XKR6: variants seen among roughly 807,000 people sequenced by gnomAD.
XKR6 encodes XK related 6.
Under a neutral mutation model 56.7 loss-of-function variants are expected in XKR6, and 22 were observed. The observed-to-expected ratio is 0.39, with a 90% confidence interval of 0.28 to 0.55. The LOEUF is 0.55. Ranked by LOEUF, XKR6 falls within the 20% of genes least tolerant of loss-of-function variation. The pLI, the probability that XKR6 is intolerant of heterozygous loss-of-function variation, is 0.66. For synonymous variants in XKR6, 524 were observed against 387.8 expected (o/e 1.35, Z -4.13); for missense variants, 852 against 889.0 (o/e 0.96, Z 0.53).
chr8:11,096,729 G>A (rs75369873), intron 1 of XKR6, among the ~76,000 whole-genome samples: 1 of 152,240 alleles, frequency 6.6e-6, no homozygotes, highest in Non-Finnish European at 1.5e-5. Context: ...CCTGCCAACA[G>A]CTGGGTCCTT....
chr8:11,085,828 G>C (rs531772487), intron 1 of XKR6, among the ~76,000 whole-genome samples: 2 of 152,120 alleles, frequency 1.3e-5, no homozygotes, highest in Admixed American at 1.3e-4. Context: ...CACTGCCGCC[G>C]GAGCAAGGGC....
At chr8:11,093,544 G>C (rs1048684117) in intron 1 of XKR6, among the ~76,000 whole-genome samples, 1 of 152,282 alleles carries the variant, frequency 6.6e-6, no homozygotes, top group East Asian at 1.9e-4. Flanking sequence ...TAGTCTCTTA[G>C]TTATAATAGC....
At chr8:10,919,379 T>C (rs1381148370) in intron 2 of XKR6, among the ~76,000 whole-genome samples, 1 of 152,184 alleles carries the variant, frequency 6.6e-6, no homozygotes, top group Non-Finnish European at 1.5e-5. Flanking sequence ...ACTCTAACCA[T>C]CACGCGTTGT....
At position 11,167,920 on chromosome 8, in the gene XKR6, C is replaced by CA. The variant is rs1175890175; in HGVS notation, c.764+32655dup. Reference sequence around the variant, plus strand: ...AAAAAAAAAAAAAAAAAACCACACACAAAAAAAACAGTACCAGAAGATTAA... The same window carrying CA: ...AAAAAAAAAAAAAAAAAACCACACACAAAAAAAAACAGTACCAGAAGATTAA... On this transcript the variant is annotated intron_variant, in intron 1 of 2. Coordinates refer to ENST00000416569, the MANE Select transcript of XKR6 (RefSeq NM_173683.4). Among the ~76,000 whole-genome samples the CA allele has an allele frequency of 8.4e-5, 9 of 106,894 alleles. No individual in the cohort carries two copies. The East Asian group carries it at 1.3e-3, about 16-fold the overall frequency. The allele number at this position is 106,894 out of a possible 152,430, so 70.1% of individuals were successfully genotyped here.
intron 1 of XKR6, among the ~76,000 whole-genome samples, chr8:11,024,229 G>A (rs1203177011): frequency 6.6e-6 from 1 of 151,316 alleles, no homozygotes; most frequent in African/African-American, 2.4e-5. Flanking sequence ...GTGTGTGTGT[G>A]TGTGTGTGTG....
At chr8:11,115,476 T>C (rs1647423243) in intron 1 of XKR6, among the ~76,000 whole-genome samples, 1 of 152,232 alleles carries the variant, frequency 6.6e-6, no homozygotes, top group African/African-American at 2.4e-5. Flanking sequence ...AAGACAAATA[T>C]GTTACAGAAT....
chr8:11,022,438 C>T (rs997372898), intron 1 of XKR6, among the ~76,000 whole-genome samples: 38 of 152,144 alleles, frequency 2.5e-4, no homozygotes, highest in African/African-American at 9.2e-4. Context: ...CCCCCTGGGT[C>T]CAAGGCAGAG....
intron 1 of XKR6, among the ~76,000 whole-genome samples, chr8:10,979,337 T>C (rs1797672200): frequency 6.6e-6 from 1 of 150,936 alleles, no homozygotes; most frequent in Non-Finnish European, 1.5e-5. Context: ...TGCAGAAAAA[T>C]GAGGAAGCAA....
chr8:11,023,806 C>T (rs745403301), intron 1 of XKR6, among the ~76,000 whole-genome samples: 3 of 152,218 alleles, frequency 2.0e-5, no homozygotes, highest in South Asian at 4.1e-4. Flanking sequence ...TGCTGACTGT[C>T]CCCTCCTGAA....
intron 1 of XKR6, among the ~76,000 whole-genome samples, chr8:11,070,397 T>C (rs1800085763): frequency 6.6e-6 from 1 of 152,198 alleles, no homozygotes; most frequent in African/African-American, 2.4e-5. Context: ...ATTTCACATA[T>C]GTAGTCAAGA....
At chr8:10,976,722 G>C (rs891878651) in intron 1 of XKR6, among the ~76,000 whole-genome samples, 3 of 151,852 alleles carry the variant, frequency 2.0e-5, no homozygotes, top group Non-Finnish European at 4.4e-5. Flanking sequence ...AAGTGGTTCA[G>C]TGGCTTCCAT....
chr8:11,174,349 T>C (rs1006644012), intron 1 of XKR6, among the ~76,000 whole-genome samples: 2 of 152,220 alleles, frequency 1.3e-5, no homozygotes, highest in Admixed American at 6.5e-5. Flanking sequence ...GAAGTGTTTA[T>C]TGTACCTCCC....
Position 11,200,269 on chromosome 8 carries a change from A to G in XKR6, c.764+307T>C, listed in dbSNP as rs1222911025. 2.0e-5 allele frequency among the ~76,000 whole-genome samples: 3 copies of G among 152,136 alleles called. No individual in the cohort carries two copies. In the East Asian group the frequency reaches 5.8e-4, roughly 29 times the overall value. ...CAGCTGGTTACCTCGGGAGGCAGGG[A>G]AAAGGGACGCTTGGGAACGGAGCTC... On this transcript the variant is annotated intron_variant, in intron 1 of 2. Coordinates refer to ENST00000416569, the MANE Select transcript of XKR6 (RefSeq NM_173683.4). The surrounding 1 kb of genome is among the most constrained non-coding windows in gnomAD (Gnocchi z 6.4).
chr8:11,026,581 T>C (rs1310201837), intron 1 of XKR6, among the ~76,000 whole-genome samples: 1 of 150,952 alleles, frequency 6.6e-6, no homozygotes, highest in Non-Finnish European at 1.5e-5. Flanking sequence ...CGTTGCCTAC[T>C]ACACACCTAG....
intron 1 of XKR6, among the ~76,000 whole-genome samples, chr8:10,997,482 A>T (rs998434205): frequency 7.9e-5 from 12 of 152,126 alleles, no homozygotes; most frequent in Admixed American, 7.2e-4. Flanking sequence ...CATTCCACAG[A>T]CCCTGCCTTA....
rs897953113 is a variant in XKR6 at position 10,995,931 on chromosome 8, T to C, written c.765-71101A>G. On this transcript the variant is annotated intron_variant, in intron 1 of 2. Transcript: ENST00000416569. ...AATCAGACGAATGGCTTGCAACTTATACTGGCCCATGACCTTGGGCAAGCC... is the reference window on the plus strand; with the variant it reads ...AATCAGACGAATGGCTTGCAACTTACACTGGCCCATGACCTTGGGCAAGCC... Among the ~76,000 whole-genome samples, 67 of 152,194 alleles carry C rather than the reference T, an allele frequency of 4.4e-4. 1 individual carries two copies. Among genetic ancestry groups the C allele is most frequent in the African/African-American group, 1.5e-3 (63 of 41,434 alleles).
chr8:11,159,455 T>C (rs1393222112), intron 1 of XKR6, among the ~76,000 whole-genome samples: 1 of 152,238 alleles, frequency 6.6e-6, no homozygotes, highest in East Asian at 1.9e-4. Context: ...TCCTCACAGC[T>C]GCCCCGCCTC....
At chr8:10,916,041 A>G (rs1373385491) in intron 2 of XKR6, among the ~76,000 whole-genome samples, 3 of 152,250 alleles carry the variant, frequency 2.0e-5, no homozygotes, top group Non-Finnish European at 2.9e-5. Context: ...CTGAAAGCCC[A>G]GAGTGTTCCT....
At chr8:10,950,723 A>T (rs1385342672) in intron 1 of XKR6, among the ~76,000 whole-genome samples, 1 of 152,220 alleles carries the variant, frequency 6.6e-6, no homozygotes, top group Non-Finnish European at 1.5e-5. Context: ...GCGAGAACAT[A>T]CAATCCAGTT....
Sources: allele counts gnomAD v4.1 joint callset (sites outside exome capture counted in the v4.1 genomes callset), GRCh38; gene constraint gnomAD v4.1.1; non-coding constraint Gnocchi (gnomAD v3.1); transcripts MANE v1.5; gene names NCBI Gene and HGNC (gene_info 2026-07-23, HGNC 2026-07-21).